CFAP65: variants seen among roughly 807,000 people sequenced by gnomAD.
CFAP65 encodes cilia- and flagella-associated protein 65.
In CFAP65, 155 loss-of-function variants were observed where a neutral mutation model predicts 208.0. The observed-to-expected ratio is 0.75, with a 90% CI of 0.65 to 0.85. CFAP65 has a LOEUF of 0.85. Ranked by LOEUF, CFAP65 falls within the 40% of genes least tolerant of loss-of-function variation. CFAP65 has a pLI of 0.00. For synonymous variants in CFAP65, 970 were observed against 986.3 expected, an observed-to-expected ratio of 0.98 and a Z score of 0.31; for missense variants, 2,294 against 2,451.3, an observed-to-expected ratio of 0.94 and a Z score of 1.36.
At chr2:219,029,955 C>G in intron 10 of CFAP65, 31 bp downstream of exon 10, 1 of 1,598,524 alleles carries the variant, frequency 6.3e-7, no homozygotes, top group Non-Finnish European at 8.6e-7. Context: ...CTGCTCCTGT[C>G]CCCAGGGGAG....
Position 219,003,154 on chromosome 2 carries a change from G to T in CFAP65, c.5674C>A (p.Pro1892Thr), listed in dbSNP as rs1247530306. The T allele has an allele frequency of 5.2e-6, 8 of 1,544,380 alleles. No homozygotes were observed. The highest frequency in any genetic ancestry group is 7.0e-6 in the Non-Finnish European group (8 of 1,143,188). The change falls in exon 34 of 35, where the codon CCG becomes ACG. Residue 1892 changes from proline (P) to threonine (T), a missense_variant. Transcript: ENST00000341552. This position sits in a 1 kb window ranked among gnomAD's most constrained non-coding sequence, Gnocchi z 4.4. Reference protein sequence around the residue: ...LTSRPRVIALPPFCVPRSLTP... With the variant: ...LTSRPRVIALTPFCVPRSLTP... The stretch of plus-strand genomic sequence containing the variant: ...CCTTACCTGGGCACGCAGAACGGCG[G>T]CAGGGCGATGACGCGTGGCCGCGAG...
At position 219,026,189 on chromosome 2, in the gene CFAP65, TCA is replaced by T. The variant is rs145426984; in HGVS notation, c.2212-32_2212-31del. ...AGAGGGGCCAGACCCACGGAAAAGC[TCA>T]GAGTCCTGTGTCTGCCCTGTGGGGC... On this transcript the variant is annotated intron_variant, in intron 13 of 34. Transcript: ENST00000341552. 6.8e-5 allele frequency: 108 copies of T among 1,595,916 alleles called. No homozygotes were observed. The East Asian group carries it at 2.4e-3, about 35-fold the overall frequency.
chr2:219,021,317 G>A, intron 18 of CFAP65, 37 bp from the exon 19 acceptor site: 2 of 1,525,310 alleles, frequency 1.3e-6, no homozygotes, highest in Non-Finnish European at 1.8e-6. Context: ...AGTGGGTAGA[G>A]GAGGCCCAGC....
At chr2:219,005,699 T>C in intron 31 of CFAP65, 137 bp from the exon 32 acceptor site, 1 of 992,238 alleles carries the variant, frequency 1.0e-6, no homozygotes, top group Non-Finnish European at 1.5e-6. Flanking sequence ...CCAAATGTAG[T>C]GCTACTGGGT....
intron 4 of CFAP65, 33 bp downstream of exon 4, chr2:219,038,342 A>T: frequency 6.2e-7 from 1 of 1,609,020 alleles, no homozygotes; most frequent in Non-Finnish European, 8.5e-7. Flanking sequence ...GCCCTGCCAC[A>T]CCCTGCTCTG....
intron 5 of CFAP65, among the ~76,000 whole-genome samples, chr2:219,033,380 G>A (rs1948168560): frequency 6.6e-6 from 1 of 152,182 alleles, no homozygotes; most frequent in Non-Finnish European, 1.5e-5. Context: ...AGAGGCTGAG[G>A]AAGGAGGATT....
At chr2:219,035,277 G>C in intron 5 of CFAP65, 3 of 1,467,868 alleles carry the variant, frequency 2.0e-6, no homozygotes, top group Non-Finnish European at 2.7e-6. Context: ...TTATGGTACA[G>C]GCACACATTG....
intron 18 of CFAP65, 43 bp from the exon 19 acceptor site, chr2:219,021,323 C>A (rs777824154): frequency 1.3e-6 from 2 of 1,509,772 alleles, no homozygotes; most frequent in African/African-American, 1.4e-5. Flanking sequence ...TAGAGGAGGC[C>A]CAGCCATTCC....
chr2:219,009,582 AGGATGGGACAAGATGGGATG>A (rs1469870171), intron 27 of CFAP65, 122 bp from the exon 28 acceptor site: 4 of 542,868 alleles, frequency 7.4e-6, no homozygotes, highest in East Asian at 4.4e-5. Flanking sequence ...GGGATGGGAT[AGGATGGGACAAGATGGGATG>A]GGATGGGACA....
intron 29 of CFAP65, 36 bp downstream of exon 29, chr2:219,009,011 G>T: frequency 6.4e-7 from 1 of 1,558,634 alleles, no homozygotes; most frequent in African/African-American, 1.4e-5. Flanking sequence ...CAGTCAGAAA[G>T]ATCTGGGTGT....
At chr2:219,041,527 C>G, upstream of CFAP65, 1 of 1,550,568 alleles carries the variant, frequency 6.4e-7, no homozygotes, top group Non-Finnish European at 8.7e-7. Context: ...ACAGGACGCG[C>G]AGGAAACGGC....
chr2:219,009,002 A>C lies in CFAP65; in HGVS notation c.4674+45T>G, dbSNP rs374242342. 10 of 1,524,788 alleles carry C rather than the reference A, an allele frequency of 6.6e-6. No homozygotes were observed. The African/African-American group carries it at 1.4e-4, about 21-fold the overall frequency. 94.5% of individuals were successfully genotyped at this position (1,524,788 alleles called of 1,614,324 possible). A position where few individuals can be genotyped will look rare whatever the true frequency, so the allele number is the denominator to read the frequency against. On this transcript the variant is annotated intron_variant, in intron 29 of 34. Transcript: ENST00000341552. Reference sequence around the variant, plus strand: ...TACCTCTGTCCCCTCTGGTAAGGCCAGTCAGAAAGATCTGGGTGTTTGAGA... The same window carrying C: ...TACCTCTGTCCCCTCTGGTAAGGCCCGTCAGAAAGATCTGGGTGTTTGAGA...
chr2:219,005,935 G>T, intron 31 of CFAP65, 86 bp downstream of exon 31: 1 of 1,349,086 alleles, frequency 7.4e-7, no homozygotes, highest in East Asian at 2.5e-5. Flanking sequence ...CCCTCACCAT[G>T]GGTTGGGTCT....
intron 2 of CFAP65, 42 bp downstream of exon 2, chr2:219,040,477 G>C: frequency 1.0e-6 from 1 of 990,082 alleles, no homozygotes; most frequent in South Asian, 1.4e-5. Flanking sequence ...TTATGTACCA[G>C]GTACTGTGCT....
At chr2:219,024,931 A>G (rs6736962) in intron 14 of CFAP65, among the ~76,000 whole-genome samples, 7,496 of 152,232 alleles carry the variant, frequency 0.049, 597 homozygotes, top group African/African-American at 0.17. Context: ...GCGAAATTCT[A>G]TATCAGAAAA....
chr2:219,038,333 C>T lies in CFAP65; in HGVS notation c.357+42G>A, dbSNP rs544393836. 1.9e-5 allele frequency: 31 copies of T among 1,602,406 alleles called. No homozygotes were observed. The African/African-American group carries it at 4.1e-4, about 21-fold the overall frequency. ...CCCTGCCACCCATGCCCCGCCCTGG[C>T]CCTGCCACACCCTGCTCTGCCTGCC... On this transcript the variant is annotated intron_variant, in intron 4 of 34. Coordinates refer to ENST00000341552, the MANE Select transcript of CFAP65 (RefSeq NM_194302.4).
intron 11 of CFAP65, among the ~76,000 whole-genome samples, chr2:219,029,158 T>C (rs868153606): frequency 1.3e-5 from 2 of 152,184 alleles, no homozygotes; most frequent in African/African-American, 2.4e-5. Flanking sequence ...TCCCAGCCCA[T>C]GAGCACAGCA....
chr2:219,032,384 G>C lies in CFAP65; in HGVS notation c.645+86C>G. On this transcript the variant is annotated intron_variant, in intron 6 of 34. Transcript: ENST00000341552. The surrounding 1 kb of genome is among the most constrained non-coding windows in gnomAD (Gnocchi z 5.5). ...GGGCAGCATGTGTGTGTGCCGGGGC[G>C]CTCCTGGTTGCTCTGTCCTGTTTTC... is the stretch of plus-strand genomic sequence containing the variant. The C allele has an allele frequency of 8.5e-7, 1 of 1,179,354 alleles. No individual in the cohort carries two copies. Among genetic ancestry groups the C allele is most frequent in the Non-Finnish European group, 1.2e-6 (1 of 835,294 alleles). 73.1% of individuals were successfully genotyped at this position (1,179,354 alleles called of 1,614,324 possible).
chr2:219,021,135 C>T lies in CFAP65; in HGVS notation c.3259+17G>A. 6.6e-7 allele frequency: 1 copy of T among 1,509,474 alleles called. No individual in the cohort carries two copies. The highest frequency in any genetic ancestry group is 8.9e-7 in the Non-Finnish European group (1 of 1,123,950). 93.5% of individuals were successfully genotyped at this position (1,509,474 alleles called of 1,614,324 possible). A position where few individuals can be genotyped will look rare whatever the true frequency, so the allele number is the denominator to read the frequency against. On this transcript the variant is annotated intron_variant, in intron 19 of 34. Coordinates refer to ENST00000341552, the MANE Select transcript of CFAP65 (RefSeq NM_194302.4). ...ATTTCCCCGGCCCCGACTCTCTATG[C>T]CAGGCAGTCTAGGTACCTCTGTGGG... is the stretch of plus-strand genomic sequence containing the variant.
Sources: allele counts gnomAD v4.1 joint callset (sites outside exome capture counted in the v4.1 genomes callset), GRCh38; gene constraint gnomAD v4.1.1; non-coding constraint Gnocchi (gnomAD v3.1); transcripts MANE v1.5; gene names NCBI Gene and HGNC (gene_info 2026-07-23, HGNC 2026-07-21).